Variants in PSMA1 observed in about 807,000 individuals in gnomAD.
The protein encoded by PSMA1 is proteasome subunit alpha type-1.
In PSMA1, 3 loss-of-function variants were observed where a neutral mutation model predicts 38.4. That is an observed-to-expected ratio of 0.08 (90% CI 0.04 to 0.20). PSMA1 has a LOEUF of 0.20. Among genes scored for constraint, PSMA1 ranks in the 10% least tolerant of loss-of-function variants. The probability of loss-of-function intolerance (pLI) is 1.00; values close to 1 mark genes in which losing one functional copy is unlikely to be tolerated. For missense variants in PSMA1, 227 were observed against 325.3 expected (o/e 0.70, Z 2.32); for synonymous variants, 101 against 107.1 (o/e 0.94, Z 0.35).
Position 14,529,127 on chromosome 11 carries a change from A to AC in PSMA1, c.22-10087_22-10086insG, listed in dbSNP as rs1168643830. 5.4e-3 allele frequency among the ~76,000 whole-genome samples: 818 copies of AC among 152,020 alleles called. 6 individuals are homozygous for AC. Among genetic ancestry groups the AC allele is most frequent in the Non-Finnish European group, 8.9e-3 (602 of 67,980 alleles). On this transcript the variant is annotated intron_variant, in intron 2 of 10. Transcript: ENST00000418988. ...GGTGACAAAGACCCTGTCTCAAAAAAAAAAAAAAAAAAAATTAAAGGTAAT... is the reference window on the plus strand; with the variant it reads ...GGTGACAAAGACCCTGTCTCAAAAAACAAAAAAAAAAAAAATTAAAGGTAAT...
intron 2 of PSMA1, among the ~76,000 whole-genome samples, chr11:14,536,816 T>C (rs916294790): frequency 6.6e-5 from 10 of 152,002 alleles, no homozygotes; most frequent in Non-Finnish European, 1.5e-4. Context: ...GGGGTTTCAC[T>C]GTGTTAGCCA....
chr11:14,514,202 A>G, intron 5 of PSMA1: 2 of 1,347,526 alleles, frequency 1.5e-6, no homozygotes, highest in Non-Finnish European at 1.9e-6. Flanking sequence ...AGATGCTTAG[A>G]TGATTTTCCT....
At position 14,505,844 on chromosome 11, in the gene PSMA1, A is replaced by G. The variant is rs1020160216; in HGVS notation, c.736-596T>C. Among the ~76,000 whole-genome samples, 5 of 152,140 alleles carry G rather than the reference A, an allele frequency of 3.3e-5. No individual in the cohort carries two copies. In the South Asian group the frequency reaches 8.3e-4, roughly 25 times the overall value. On this transcript the variant is annotated intron_variant, in intron 9 of 9. Coordinates refer to ENST00000396394, the MANE Select transcript of PSMA1 (RefSeq NM_002786.4). Reference sequence around the variant, plus strand: ...ACACAGTGAGATCCCATCTCTACTAAAAAGAAAAAAAATGTGCTGGGCATG... The same window carrying G: ...ACACAGTGAGATCCCATCTCTACTAGAAAGAAAAAAAATGTGCTGGGCATG...
intron 1 of PSMA1, among the ~76,000 whole-genome samples, chr11:14,633,699 A>C (rs527916826): frequency 6.6e-6 from 1 of 152,050 alleles, no homozygotes. Flanking sequence ...TTGTTTACCT[A>C]ATCAAGCCTG....
intron 2 of PSMA1, among the ~76,000 whole-genome samples, chr11:14,562,104 A>G (rs1242167352): frequency 6.6e-6 from 1 of 152,238 alleles, no homozygotes; most frequent in Non-Finnish European, 1.5e-5. Flanking sequence ...AGCCAATGCT[A>G]TGAACATCCT....
At position 14,631,866 on chromosome 11, in the gene PSMA1, T is replaced by G. The variant is rs1317817294; in HGVS notation, c.-166+11589A>C. ...TTGGTGCTCCTGTATTGGGTGCATA[T>G]ATATTTAGGATAGTTAGCTCTTCTT... On this transcript the variant is annotated intron_variant, in intron 1 of 10. Transcript: ENST00000418988. Among the ~76,000 whole-genome samples, 6 of 150,228 alleles carry G rather than the reference T, an allele frequency of 4.0e-5. No individual in the cohort carries two copies. The East Asian group carries it at 1.2e-3, about 29-fold the overall frequency.
At chr11:14,520,142 G>T (rs1475575164) in intron 1 of PSMA1, 155 bp downstream of exon 1, 2 of 1,213,932 alleles carry the variant, frequency 1.6e-6, no homozygotes, top group Non-Finnish European at 2.4e-6. Flanking sequence ...CGGCCAGGCC[G>T]GAGATGCTGA....
At chr11:14,620,067 CGTGTGTGTGT>C (rs141933385) in intron 1 of PSMA1, among the ~76,000 whole-genome samples, 1 of 149,550 alleles carries the variant, frequency 6.7e-6, no homozygotes, top group Non-Finnish European at 1.5e-5. Context: ...TGTGTGTGTG[CGTGTGTGTGT>C]GTGTGTATGT....
At chr11:14,578,052 C>T (rs1242223414) in intron 2 of PSMA1, among the ~76,000 whole-genome samples, 2 of 148,724 alleles carry the variant, frequency 1.3e-5, no homozygotes, top group Non-Finnish European at 3.0e-5. Context: ...GGGAGGTGAA[C>T]ATCACACACC....
intron 2 of PSMA1, among the ~76,000 whole-genome samples, chr11:14,562,397 A>G (rs1045487441): frequency 5.3e-5 from 8 of 152,198 alleles, no homozygotes; most frequent in Non-Finnish European, 8.8e-5. Context: ...AAGGCACCCA[A>G]TGGTGCCTCA....
chr11:14,521,331 T>TAAAAAA (rs66563523), upstream of PSMA1, among the ~76,000 whole-genome samples: 1 of 132,224 alleles, frequency 7.6e-6, no homozygotes. Context: ...AGAATAAGAA[T>TAAAAAA]AATAAAAAAA....
At chr11:14,519,092 C>T (rs1276324599) in intron 1 of PSMA1, 51 bp from the exon 2 acceptor site, 1 of 1,351,440 alleles carries the variant, frequency 7.4e-7, no homozygotes, top group African/African-American at 1.5e-5. Context: ...TTTCAAATCC[C>T]AACTCTTAAC....
chr11:14,581,542 T>C (rs560135999), intron 2 of PSMA1, among the ~76,000 whole-genome samples: 1 of 152,312 alleles, frequency 6.6e-6, no homozygotes, highest in East Asian at 1.9e-4. Flanking sequence ...GTGTTATCTA[T>C]GTTATAACTA....
At chr11:14,641,521 C>T (rs1396882985) in intron 1 of PSMA1, among the ~76,000 whole-genome samples, 1 of 152,120 alleles carries the variant, frequency 6.6e-6, no homozygotes, top group Non-Finnish European at 1.5e-5. Flanking sequence ...CGTCCTTACA[C>T]TTTATTTTAG....
intron 2 of PSMA1, among the ~76,000 whole-genome samples, chr11:14,569,927 C>T (rs1489479857): frequency 6.6e-6 from 1 of 152,222 alleles, no homozygotes; most frequent in Non-Finnish European, 1.5e-5. Context: ...GGGTCCCTGA[C>T]CCCCAAGTAG....
At chr11:14,578,957 T>C (rs1852250585) in intron 2 of PSMA1, among the ~76,000 whole-genome samples, 1 of 152,172 alleles carries the variant, frequency 6.6e-6, no homozygotes, top group Non-Finnish European at 1.5e-5. Context: ...TTTTATCTCA[T>C]TGAATCATCT....
chr11:14,618,591 C>T (rs1294147775), intron 1 of PSMA1, among the ~76,000 whole-genome samples: 1 of 152,186 alleles, frequency 6.6e-6, no homozygotes, highest in African/African-American at 2.4e-5. Flanking sequence ...AACCAGGACA[C>T]AAAAATTAGT....
At chr11:14,532,288 T>G (rs558751188) in intron 2 of PSMA1, among the ~76,000 whole-genome samples, 25 of 152,284 alleles carry the variant, frequency 1.6e-4, no homozygotes, top group Non-Finnish European at 2.9e-4. Context: ...TACAGCTGGT[T>G]TTATAATATA....
intron 2 of PSMA1, among the ~76,000 whole-genome samples, chr11:14,581,159 C>G (rs1046477723): frequency 6.6e-6 from 1 of 152,156 alleles, no homozygotes; most frequent in Non-Finnish European, 1.5e-5. Flanking sequence ...GAATAGTCTA[C>G]TATATTCTTG....
Sources: allele counts gnomAD v4.1 joint callset (sites outside exome capture counted in the v4.1 genomes callset), GRCh38; gene constraint gnomAD v4.1.1; transcripts MANE v1.5; gene names NCBI Gene and HGNC (gene_info 2026-07-23, HGNC 2026-07-21).